Variants in LRMDA observed in about 807,000 individuals in gnomAD.
The protein encoded by LRMDA is leucine-rich melanocyte differentiation-associated protein.
Under a neutral mutation model 29.8 loss-of-function variants are expected in LRMDA, and 18 were observed. The observed-to-expected ratio is 0.60, with a 90% CI of 0.42 to 0.90. The LOEUF (loss-of-function observed/expected upper bound fraction) is 0.90. Among genes scored for constraint, LRMDA ranks in the 40% least tolerant of loss-of-function variants. The pLI is 0.00. For synonymous variants in LRMDA, 125 were observed against 109.4 expected, an observed-to-expected ratio of 1.14 and a Z score of -0.89; for missense variants, 273 against 273.9, an observed-to-expected ratio of 1.00 and a Z score of 0.02.
rs1842894535 is a variant in LRMDA at position 76,499,063 on chromosome 10, C to G, written c.602-58146C>G. Among the ~76,000 whole-genome samples, 8 of 75,280 alleles carry G rather than the reference C, an allele frequency of 1.1e-4. 3 individuals carry two copies. The highest frequency in any genetic ancestry group is 9.9e-4 in the Admixed American group (8 of 8,068). The allele number at this position is 75,280 out of a possible 152,430, so 49.4% of individuals were successfully genotyped here. ...TTTAGAGAATTTGCTATGTACCAGGCACTGTTGAAAAGAAAAATAACTTTA... is the reference window on the plus strand; with the variant it reads ...TTTAGAGAATTTGCTATGTACCAGGGACTGTTGAAAAGAAAAATAACTTTA... On this transcript the variant is annotated intron_variant, in intron 6 of 6. Coordinates refer to ENST00000611255, the MANE Select transcript of LRMDA (RefSeq NM_001305581.2).
At chr10:75,739,934 A>G (rs1842809579) in intron 2 of LRMDA, among the ~76,000 whole-genome samples, 1 of 152,240 alleles carries the variant, frequency 6.6e-6, no homozygotes, top group Non-Finnish European at 1.5e-5. Flanking sequence ...TGCAAGTTTT[A>G]TAACTCATGA....
intron 6 of LRMDA, among the ~76,000 whole-genome samples, chr10:76,377,425 T>C (rs1841534892): frequency 6.6e-6 from 1 of 152,212 alleles, no homozygotes; most frequent in African/African-American, 2.4e-5. Flanking sequence ...TTTTTGTTTT[T>C]GTTGCATTTG....
chr10:75,618,420 A>G (rs1301472245), intron 2 of LRMDA, among the ~76,000 whole-genome samples: 1 of 146,078 alleles, frequency 6.8e-6, no homozygotes, highest in Non-Finnish European at 1.5e-5. Flanking sequence ...GACTATATAT[A>G]TATCAACTAT....
At chr10:75,651,001 G>GA (rs953733812) in intron 2 of LRMDA, among the ~76,000 whole-genome samples, 11 of 151,712 alleles carry the variant, frequency 7.3e-5, no homozygotes, top group East Asian at 1.9e-4. Flanking sequence ...TGTGAAAAGA[G>GA]AAAAAAAACA....
At chr10:76,263,954 T>A (rs1839973641) in intron 5 of LRMDA, among the ~76,000 whole-genome samples, 1 of 152,170 alleles carries the variant, frequency 6.6e-6, no homozygotes. Flanking sequence ...TCATAACTCA[T>A]TCGTAGGTAA....
intron 2 of LRMDA, among the ~76,000 whole-genome samples, chr10:75,706,962 C>T (rs1484999775): frequency 6.6e-6 from 1 of 152,174 alleles, no homozygotes; most frequent in African/African-American, 2.4e-5. Context: ...CTTATTCTGA[C>T]CACTGGAACT....
At position 76,558,898 on chromosome 10, in the gene LRMDA, AC is replaced by A. The variant is rs1329025192; in HGVS notation, c.*1612del. Reference sequence around the variant, plus strand: ...ACAAGTTAACATTAAAATCCTCAAAACCATGAAAAATTGGAGAATGTTGAAT... The same window carrying A: ...ACAAGTTAACATTAAAATCCTCAAAACATGAAAAATTGGAGAATGTTGAAT... On this transcript the variant is annotated 3_prime_UTR_variant, in exon 7 of 7. Transcript: ENST00000611255. The A allele has an allele frequency of 1.3e-5, 2 of 152,232 alleles. No homozygotes were observed. Among genetic ancestry groups the A allele is most frequent in the Non-Finnish European group, 2.9e-5 (2 of 68,046 alleles). 9.4% of individuals were successfully genotyped at this position (152,232 alleles called of 1,614,324 possible).
At chr10:76,348,645 A>G (rs1243366244) in intron 6 of LRMDA, among the ~76,000 whole-genome samples, 3 of 152,214 alleles carry the variant, frequency 2.0e-5, no homozygotes, top group African/African-American at 7.2e-5. Context: ...TGGCAGCCAC[A>G]AATGTCTTGC....
chr10:75,473,457 C>T (rs996828461), intron 2 of LRMDA, among the ~76,000 whole-genome samples: 2 of 152,206 alleles, frequency 1.3e-5, no homozygotes, highest in Non-Finnish European at 2.9e-5. Context: ...AGTGATTTCT[C>T]TACATCAGGA....
intron 2 of LRMDA, among the ~76,000 whole-genome samples, chr10:75,468,772 G>A (rs992590966): frequency 2.0e-5 from 3 of 152,126 alleles, no homozygotes; most frequent in African/African-American, 7.2e-5. Flanking sequence ...ATAGGGGCCT[G>A]TCTGCATTAC....
intron 6 of LRMDA, among the ~76,000 whole-genome samples, chr10:76,327,580 A>G (rs1840851806): frequency 2.6e-5 from 4 of 152,214 alleles, no homozygotes; most frequent in Admixed American, 2.6e-4. Context: ...TATGTTCACC[A>G]CTTTATCTGC....
At chr10:76,065,068 C>G (rs1351649132) in intron 5 of LRMDA, among the ~76,000 whole-genome samples, 1 of 151,858 alleles carries the variant, frequency 6.6e-6, no homozygotes, top group Non-Finnish European at 1.5e-5. Context: ...ATGGTGTGTT[C>G]AAAAACAACT....
chr10:75,944,750 A>G (rs1211502115), intron 2 of LRMDA, among the ~76,000 whole-genome samples: 1 of 148,460 alleles, frequency 6.7e-6, no homozygotes, highest in Non-Finnish European at 1.5e-5. Flanking sequence ...ATGTATATAT[A>G]TATAAAATAA....
intron 2 of LRMDA, among the ~76,000 whole-genome samples, chr10:75,919,167 C>A (rs1845985471): frequency 6.6e-6 from 1 of 152,168 alleles, no homozygotes; most frequent in African/African-American, 2.4e-5. Flanking sequence ...GGGGACAAAG[C>A]CGGGATGCGA....
chr10:75,587,011 T>C (rs1840664960), intron 2 of LRMDA, among the ~76,000 whole-genome samples: 1 of 152,244 alleles, frequency 6.6e-6, no homozygotes, highest in Non-Finnish European at 1.5e-5. Flanking sequence ...TTCTTTTTGT[T>C]GCCTGTGCTT....
At chr10:76,440,263 G>A (rs1013993634) in intron 6 of LRMDA, among the ~76,000 whole-genome samples, 1 of 152,212 alleles carries the variant, frequency 6.6e-6, no homozygotes, top group Non-Finnish European at 1.5e-5. Context: ...ATAATATCAG[G>A]CAATAGTGAA....
chr10:75,624,460 A>G (rs1244992559), intron 2 of LRMDA, among the ~76,000 whole-genome samples: 4 of 152,216 alleles, frequency 2.6e-5, no homozygotes, highest in Non-Finnish European at 5.9e-5. Flanking sequence ...TGTGTTACCA[A>G]CATGGGTGAT....
At chr10:75,674,505 G>A (rs956917434) in intron 2 of LRMDA, among the ~76,000 whole-genome samples, 1 of 151,950 alleles carries the variant, frequency 6.6e-6, no homozygotes, top group Non-Finnish European at 1.5e-5. Flanking sequence ...CCTTAGAAGA[G>A]AATATTATCG....
rs555887723 is a variant in LRMDA, at chr10:75,860,180, A to G, written c.132-175828A>G. ...ACAAAATTTATGAGAGGAGCCCAAG[A>G]GGTCGCCTTGTGCAAGAGGTCACCT... On this transcript the variant is annotated intron_variant, in intron 2 of 6. Coordinates refer to ENST00000611255, the MANE Select transcript of LRMDA (RefSeq NM_001305581.2). Among the ~76,000 whole-genome samples, 64 of 152,202 alleles carry G rather than the reference A, an allele frequency of 4.2e-4. No individual in the cohort carries two copies. The South Asian group carries it at 0.013, about 30-fold the overall frequency.
Sources: gnomAD v4.1 joint callset for allele counts (sites outside exome capture counted in the v4.1 genomes callset) on GRCh38, gnomAD v4.1.1 for gene constraint, MANE v1.5 for transcripts, NCBI Gene and HGNC (gene_info 2026-07-23, HGNC 2026-07-21) for gene names.